Variants in FAM149A observed in about 807,000 individuals in gnomAD.
The protein encoded by FAM149A is family with sequence similarity 149 member A.
A neutral mutation model predicts 78.2 loss-of-function variants in FAM149A; 71 were observed. The observed-to-expected ratio is 0.91, with a 90% confidence interval of 0.75 to 1.11. FAM149A has a LOEUF of 1.11. Among genes scored for constraint, FAM149A ranks in the 50% least tolerant of loss-of-function variants. The pLI is 0.00. For synonymous variants in FAM149A, 446 were observed against 410.5 expected, an observed-to-expected ratio of 1.09 and a Z score of -1.04; for missense variants, 1,036 against 971.0, an observed-to-expected ratio of 1.07 and a Z score of -0.89.
Position 186,167,090 on chromosome 4 carries a change from G to C in FAM149A, c.2133G>C (p.Thr711=). 6.2e-7 allele frequency: 1 copy of C among 1,612,542 alleles called. No individual in the cohort carries two copies. Among genetic ancestry groups the C allele is most frequent in the Non-Finnish European group, 8.5e-7 (1 of 1,178,778 alleles). ...TGTCAAGGCCCAGCACAACCCACAC[G>C]TTCCGGGTGGGTTCTCTGTTTCCTG... is the stretch of plus-strand genomic sequence containing the variant. Residue 711 remains threonine (T), a synonymous_variant, in exon 12 of 14, where the codon ACG becomes ACC. Coordinates refer to ENST00000389354, the MANE Select transcript of FAM149A (RefSeq NM_001367768.3).
intron 1 of FAM149A, chr4:186,127,242 G>A: frequency 3.1e-6 from 3 of 962,672 alleles, no homozygotes; most frequent in Non-Finnish European, 3.7e-6. Context: ...CACCCTGCAT[G>A]CCCACAAATC....
In FAM149A at chr4:186,149,162, T is replaced by G. The variant is rs977121640; in HGVS notation, c.567-11T>G. 1.6e-6 allele frequency: 2 copies of G among 1,273,234 alleles called. No homozygotes were observed. The highest frequency in any genetic ancestry group is 2.0e-6 in the Non-Finnish European group (2 of 984,646). 78.9% of individuals were successfully genotyped at this position (1,273,234 alleles called of 1,614,324 possible). ...ATTAGGGAGACTCGTCATGTTTTAT[T>G]TTATTTCCAGAAGAGGACTGTCAGA... On this transcript the variant is annotated splice_polypyrimidine_tract_variant and intron_variant, in intron 1 of 13. Coordinates refer to ENST00000389354, the MANE Select transcript of FAM149A (RefSeq NM_001367768.3).
intron 5 of FAM149A, 70 bp downstream of exon 5, chr4:186,153,840 C>A: frequency 2.0e-6 from 3 of 1,521,170 alleles, no homozygotes; most frequent in South Asian, 1.2e-5. Flanking sequence ...TCATGTTTAT[C>A]TCATCTATAA....
chr4:186,163,643 ATTTC>A lies in FAM149A; in HGVS notation c.1889+15_1889+18del, dbSNP rs1449819889. On this transcript the variant is annotated intron_variant, in intron 10 of 13. Transcript: ENST00000389354. ...TTCGGGGAACAAAACTGTGAGTCTCATTTCTTTCATAGTAAACTAAAGGCCACGG... is the reference window on the plus strand; with the variant it reads ...TTCGGGGAACAAAACTGTGAGTCTCATTTCATAGTAAACTAAAGGCCACGG... 6.2e-7 allele frequency: 1 copy of A among 1,606,064 alleles called. No individual in the cohort carries two copies. Among genetic ancestry groups the A allele is most frequent in the South Asian group, 1.1e-5 (1 of 90,282 alleles).
intron 1 of FAM149A, among the ~76,000 whole-genome samples, chr4:186,129,317 G>A (rs917016250): frequency 6.6e-6 from 1 of 152,134 alleles, no homozygotes; most frequent in Admixed American, 6.5e-5. Flanking sequence ...ATTGGTCAAG[G>A]ATTGACCAAA....
At chr4:186,153,574 A>C (rs991137503) in intron 4 of FAM149A, 71 bp from the exon 5 acceptor site, 17 of 1,558,116 alleles carry the variant, frequency 1.1e-5, no homozygotes, top group African/African-American at 1.1e-4. Flanking sequence ...ATTGTCTCCT[A>C]CTTTTAAAAT....
chr4:186,143,135 G>C (rs1311475691), intron 1 of FAM149A, among the ~76,000 whole-genome samples: 2 of 137,290 alleles, frequency 1.5e-5, no homozygotes, highest in Non-Finnish European at 3.1e-5. Context: ...AAATGACTTT[G>C]TGTTCGATTT....
intron 13 of FAM149A, among the ~76,000 whole-genome samples, chr4:186,170,390 T>A (rs1171830723): frequency 6.6e-6 from 1 of 152,222 alleles, no homozygotes; most frequent in Admixed American, 6.5e-5. Context: ...CAGTGCCTGG[T>A]GCATAACAAG....
chr4:186,140,675 C>A (rs2099325424), intron 1 of FAM149A, among the ~76,000 whole-genome samples: 1 of 152,000 alleles, frequency 6.6e-6, no homozygotes, highest in African/African-American at 2.4e-5. Context: ...ATTACTGATC[C>A]CAGGGCCCCA....
In FAM149A at chr4:186,144,681, C is replaced by A; in HGVS notation, c.567-4492C>A. On this transcript the variant is annotated intron_variant, in intron 1 of 13. Coordinates refer to ENST00000389354, the MANE Select transcript of FAM149A (RefSeq NM_001367768.3). This position sits in a 1 kb window ranked among gnomAD's most constrained non-coding sequence, Gnocchi z 4.2. ...GTGGCCGCTGGGTTGGAAACCCGGC[C>A]CGGCAGGGAGCGGGGAAGGCGCGCT... The A allele has an allele frequency of 2.1e-6, 1 of 471,612 alleles. No individual in the cohort carries two copies. Among genetic ancestry groups the A allele is most frequent in the Non-Finnish European group, 2.8e-6 (1 of 359,490 alleles). 29.2% of individuals were successfully genotyped at this position (471,612 alleles called of 1,614,324 possible).
chr4:186,138,752 C>T (rs1388672417), intron 1 of FAM149A, among the ~76,000 whole-genome samples: 2 of 152,156 alleles, frequency 1.3e-5, no homozygotes, highest in African/African-American at 4.8e-5. Flanking sequence ...AGGGAAGTGC[C>T]TTTCTCATTG....
At chr4:186,154,360 G>T (rs1197902735) in intron 5 of FAM149A, 108 bp from the exon 6 acceptor site, 3 of 881,972 alleles carry the variant, frequency 3.4e-6, no homozygotes, top group East Asian at 5.5e-5. Context: ...TTTTGGGAGG[G>T]GGGGATTCTG....
chr4:186,105,246 C>T lies in FAM149A; in HGVS notation c.170C>T (p.Ala57Val), dbSNP rs1332688837. 2 of 1,229,866 alleles carry T rather than the reference C, an allele frequency of 1.6e-6. No individual in the cohort carries two copies. Among genetic ancestry groups the T allele is most frequent in the Non-Finnish European group, 2.1e-6 (2 of 963,700 alleles). The allele number at this position is 1,229,866 out of a possible 1,614,324, so 76.2% of individuals were successfully genotyped here. Residue 57 changes from alanine to valine, a missense_variant, in exon 1 of 14, where the codon GCC (alanine) becomes GTC (valine). By Grantham distance (64) the Ala-to-Val change is moderately conservative (BLOSUM62 0). Transcript: ENST00000389354. ...GGTACCGCCCCGACCCTCCTCCGCG[C>T]CCTGGCTCCGGACTCCCCCTCCGCC...
At chr4:186,146,372 T>C (rs1733039558) in intron 1 of FAM149A, 2 of 681,572 alleles carry the variant, frequency 2.9e-6, no homozygotes, top group Non-Finnish European at 3.6e-6. Flanking sequence ...CAACTTCCCA[T>C]TTCCCCCTGC....
chr4:186,109,392 T>A, intron 1 of FAM149A: 2 of 793,614 alleles, frequency 2.5e-6, no homozygotes, highest in Non-Finnish European at 3.1e-6. Context: ...GAAGGGCCTG[T>A]CAGCATGGCT....
At chr4:186,161,367 C>T (rs1734592728) in intron 8 of FAM149A, among the ~76,000 whole-genome samples, 1 of 152,152 alleles carries the variant, frequency 6.6e-6, no homozygotes, top group Non-Finnish European at 1.5e-5. Flanking sequence ...TGAACAGAAC[C>T]TGTGCTTCGG....
At chr4:186,121,983 A>G (rs2099316271) in intron 1 of FAM149A, among the ~76,000 whole-genome samples, 1 of 152,232 alleles carries the variant, frequency 6.6e-6, no homozygotes, top group African/African-American at 2.4e-5. Flanking sequence ...TTACCAAGAC[A>G]GTGACTTCCT....
Position 186,151,892 on chromosome 4 carries a change from T to C in FAM149A, c.790-11T>C, listed in dbSNP as rs1733614743. ...TTGCAGTGTTGTAACCAAGTGTGCA[T>C]TTCTGTTTAGGAATTTGACGAAGCC... On this transcript the variant is annotated splice_polypyrimidine_tract_variant and intron_variant, in intron 3 of 13. Coordinates refer to ENST00000389354, the MANE Select transcript of FAM149A (RefSeq NM_001367768.3). The C allele has an allele frequency of 6.2e-7, 1 of 1,613,544 alleles. No homozygotes were observed. Among genetic ancestry groups the C allele is most frequent in the Admixed American group, 1.7e-5 (1 of 59,984 alleles).
At chr4:186,143,493 T>C (rs182781776) in intron 1 of FAM149A, among the ~76,000 whole-genome samples, 67 of 152,268 alleles carry the variant, frequency 4.4e-4, no homozygotes, top group Admixed American at 3.5e-3. Context: ...TTACCACTTT[T>C]ATAAAAGTGG....
Sources: allele counts gnomAD v4.1 joint callset (sites outside exome capture counted in the v4.1 genomes callset), GRCh38; gene constraint gnomAD v4.1.1; non-coding constraint Gnocchi (gnomAD v3.1); transcripts MANE v1.5; gene names NCBI Gene and HGNC (gene_info 2026-07-23, HGNC 2026-07-21).